Variants in PCDHGA4 observed in about 807,000 individuals in gnomAD.
PCDHGA4 encodes protocadherin gamma-A4.
A neutral mutation model predicts 54.6 loss-of-function variants in PCDHGA4; 38 were observed. That is an observed-to-expected ratio of 0.70 (90% CI 0.54 to 0.91). The LOEUF is 0.91. Among genes scored for constraint, PCDHGA4 ranks in the 40% least tolerant of loss-of-function variants. The probability of loss-of-function intolerance (pLI) is 0.00; values close to 1 mark genes in which losing one functional copy is unlikely to be tolerated. For missense variants in PCDHGA4, 1,298 were observed against 1,220.9 expected (o/e 1.06, Z -0.94); for synonymous variants, 511 against 512.9 (o/e 1.00, Z 0.05).
chr5:141,462,209 C>T (rs1158675305), intron 1 of PCDHGA4, among the ~76,000 whole-genome samples: 6 of 152,172 alleles, frequency 3.9e-5, no homozygotes, highest in Non-Finnish European at 8.8e-5. Flanking sequence ...ATCCGCCTGC[C>T]TCGGCCTCCC....
At chr5:141,424,776 A>C (rs1406581367) in intron 1 of PCDHGA4, 2 of 152,154 alleles carry the variant, frequency 1.3e-5, no homozygotes, top group African/African-American at 4.8e-5. Context: ...CAAATAGTAC[A>C]TTCAGTTCTT....
At chr5:141,398,014 C>T in intron 1 of PCDHGA4, 1 of 1,420,276 alleles carries the variant, frequency 7.0e-7, no homozygotes, top group South Asian at 1.5e-5. Context: ...AGAATCGTTT[C>T]CTAAACTGGA....
intron 1 of PCDHGA4, chr5:141,361,103 A>G (rs1224359599): frequency 5.0e-6 from 8 of 1,613,902 alleles, no homozygotes; most frequent in Non-Finnish European, 6.8e-6. Context: ...GAAGCAAAAG[A>G]TCCTGGAGAT....
chr5:141,498,805 C>T (rs1397026274), intron 2 of PCDHGA4, among the ~76,000 whole-genome samples: 1 of 152,000 alleles, frequency 6.6e-6, no homozygotes, highest in Non-Finnish European at 1.5e-5. Flanking sequence ...TGGTGGTGCA[C>T]ACCTGTAGTC....
At chr5:141,375,118 A>T in intron 1 of PCDHGA4, 1 of 1,613,984 alleles carries the variant, frequency 6.2e-7, no homozygotes, top group Non-Finnish European at 8.5e-7. Context: ...ATAATGTACC[A>T]GAAGTGGTTG....
At chr5:141,410,699 A>T (rs760193148) in intron 1 of PCDHGA4, 1 of 1,478,344 alleles carries the variant, frequency 6.8e-7, no homozygotes, top group East Asian at 2.3e-5. Flanking sequence ...CTTTATTTTC[A>T]TATCTAGAAT....
intron 1 of PCDHGA4, chr5:141,484,855 G>T (rs1178318896): frequency 3.9e-6 from 1 of 257,336 alleles, no homozygotes; most frequent in East Asian, 8.3e-5. Context: ...GTTTTTTGGG[G>T]GGTGGGGGAG....
At chr5:141,357,884 C>A (rs545523934) in intron 1 of PCDHGA4, among the ~76,000 whole-genome samples, 2 of 152,194 alleles carry the variant, frequency 1.3e-5, no homozygotes, top group Non-Finnish European at 2.9e-5. Context: ...TGAGCCACCT[C>A]ATTTCCTTAA....
intron 2 of PCDHGA4, among the ~76,000 whole-genome samples, chr5:141,504,794 A>G (rs2099841154): frequency 6.6e-6 from 1 of 151,718 alleles, no homozygotes; most frequent in African/African-American, 2.4e-5. Flanking sequence ...GGCCTCCTAC[A>G]TCTCCCCCTA....
chr5:141,428,120 C>G (rs756805763), intron 1 of PCDHGA4: 2 of 1,606,528 alleles, frequency 1.2e-6, no homozygotes, highest in South Asian at 1.1e-5. Context: ...CCATCGAGCC[C>G]GGGCTTTTCA....
chr5:141,389,930 C>T (rs1255366269), intron 1 of PCDHGA4: 1 of 1,614,064 alleles, frequency 6.2e-7, no homozygotes. Context: ...CCTCTGACCT[C>T]CAGGCTGAGC....
chr5:141,423,562 A>C (rs374427537), intron 1 of PCDHGA4: 1 of 1,613,612 alleles, frequency 6.2e-7, no homozygotes, highest in African/African-American at 1.3e-5. Context: ...CTATGGGGAC[A>C]CGCTCATCAG....
In PCDHGA4 at chr5:141,366,453, T is replaced by C. The variant is rs1477570113; in HGVS notation, c.2514+8832T>C. On this transcript the variant is annotated intron_variant, in intron 1 of 3. Coordinates refer to ENST00000571252, the MANE Select transcript of PCDHGA4 (RefSeq NM_018917.4). Reference sequence around the variant, plus strand: ...GTCTCCTGCGTCTTCCTGGCCTTCGTCATCGTGCTGCTGGTGCTCAGACTG... The same window carrying C: ...GTCTCCTGCGTCTTCCTGGCCTTCGCCATCGTGCTGCTGGTGCTCAGACTG... 7 of 1,614,220 alleles carry C rather than the reference T, an allele frequency of 4.3e-6. No individual in the cohort carries two copies. The Admixed American group carries it at 1.0e-4, about 23-fold the overall frequency.
chr5:141,368,555 A>G (rs1400384896), intron 1 of PCDHGA4, among the ~76,000 whole-genome samples: 1 of 152,208 alleles, frequency 6.6e-6, no homozygotes, highest in Non-Finnish European at 1.5e-5. Context: ...TTTTAAAAGA[A>G]AATGTTATAT....
chr5:141,464,980 GATCCT>G (rs2154568684), intron 1 of PCDHGA4, among the ~76,000 whole-genome samples: 1 of 151,990 alleles, frequency 6.6e-6, no homozygotes, highest in East Asian at 1.9e-4. Flanking sequence ...GGCTTCAAGT[GATCCT>G]CCCACCTCAG....
chr5:141,439,459 A>T (rs558086952), intron 1 of PCDHGA4, among the ~76,000 whole-genome samples: 1 of 152,340 alleles, frequency 6.6e-6, no homozygotes, highest in African/African-American at 2.4e-5. Flanking sequence ...GCAAGACTGC[A>T]CTGCTGCCTT....
At chr5:141,428,307 C>T (rs759382004) in intron 1 of PCDHGA4, 5 of 688,034 alleles carry the variant, frequency 7.3e-6, no homozygotes, top group Non-Finnish European at 5.1e-6. Flanking sequence ...TTTACCTGGT[C>T]GTGGCCTTGG....
chr5:141,478,109 T>C, intron 1 of PCDHGA4: 1 of 1,614,086 alleles, frequency 6.2e-7, no homozygotes, highest in Non-Finnish European at 8.5e-7. Context: ...CCTCACTGTG[T>C]CAGTAACCGA....
chr5:141,400,027 G>A, intron 1 of PCDHGA4: 20 of 1,612,664 alleles, frequency 1.2e-5, no homozygotes, highest in Non-Finnish European at 1.7e-5. Flanking sequence ...CAGGGACGCG[G>A]CCCGCCAGCG....
Sources: gnomAD v4.1 joint callset for allele counts (sites outside exome capture counted in the v4.1 genomes callset) on GRCh38, gnomAD v4.1.1 for gene constraint, MANE v1.5 for transcripts, NCBI Gene and HGNC (gene_info 2026-07-23, HGNC 2026-07-21) for gene names.